Variants in ANO3 observed in about 807,000 individuals in gnomAD.
ANO3 encodes the protein anoctamin-3.
Under a neutral mutation model 144.8 loss-of-function variants are expected in ANO3, and 99 were observed. That is an observed-to-expected ratio of 0.68 (90% CI 0.58 to 0.81). ANO3 has a LOEUF of 0.81. Ranked by LOEUF, ANO3 falls within the 30% of genes least tolerant of loss-of-function variation. The pLI, the probability that ANO3 is intolerant of heterozygous loss-of-function variation, is 0.00. For synonymous variants in ANO3, 414 were observed against 392.6 expected, an observed-to-expected ratio of 1.05 and a Z score of -0.64; for missense variants, 905 against 1,202.2, an observed-to-expected ratio of 0.75 and a Z score of 3.66.
chr11:26,400,523 A>G (rs1224424278), intron 1 of ANO3, among the ~76,000 whole-genome samples: 1 of 152,022 alleles, frequency 6.6e-6, no homozygotes, highest in Non-Finnish European at 1.5e-5. Flanking sequence ...TGGTCCTTGA[A>G]CATAATTATA....
At chr11:26,638,102 C>G (rs1268874691) in intron 20 of ANO3, among the ~76,000 whole-genome samples, 1 of 152,144 alleles carries the variant, frequency 6.6e-6, no homozygotes, top group African/African-American at 2.4e-5. Flanking sequence ...GCATTTATCA[C>G]TTAAAAATGC....
At chr11:26,260,281 A>G (rs1424148936) in intron 1 of ANO3, among the ~76,000 whole-genome samples, 3 of 152,164 alleles carry the variant, frequency 2.0e-5, no homozygotes, top group Non-Finnish European at 4.4e-5. Flanking sequence ...CAGAATGATA[A>G]TATTTTTATA....
At chr11:26,431,528 T>C (rs888304242) in intron 1 of ANO3, among the ~76,000 whole-genome samples, 1 of 152,206 alleles carries the variant, frequency 6.6e-6, no homozygotes, top group African/African-American at 2.4e-5. Flanking sequence ...TAGTACCCAA[T>C]AGTTATTTTT....
intron 1 of ANO3, among the ~76,000 whole-genome samples, chr11:26,395,254 A>G (rs913769486): frequency 2.0e-5 from 3 of 151,688 alleles, no homozygotes; most frequent in African/African-American, 7.3e-5. Flanking sequence ...TCTTGGCTAT[A>G]TGGGTTCTTT....
chr11:26,303,280 A>G (rs1227422480), intron 1 of ANO3, among the ~76,000 whole-genome samples: 5 of 152,208 alleles, frequency 3.3e-5, no homozygotes, highest in African/African-American at 1.2e-4. Context: ...TGGAAATGAC[A>G]TGAGATCAAC....
chr11:26,307,695 G>A (rs1854413847), upstream of ANO3, among the ~76,000 whole-genome samples: 1 of 146,510 alleles, frequency 6.8e-6, no homozygotes, highest in Non-Finnish European at 1.5e-5. Flanking sequence ...CTGTAGCCTG[G>A]GCAACAAGAG....
intron 4 of ANO3, among the ~76,000 whole-genome samples, chr11:26,470,973 A>G (rs934259334): frequency 2.0e-5 from 3 of 151,914 alleles, no homozygotes; most frequent in African/African-American, 7.2e-5. Flanking sequence ...TTAGCCCAAT[A>G]ACCATGGTAA....
Position 26,656,221 on chromosome 11 carries a change from A to T in ANO3, c.2657+16A>T. The T allele has an allele frequency of 6.2e-7, 1 of 1,600,944 alleles. No individual in the cohort carries two copies. Among genetic ancestry groups the T allele is most frequent in the Non-Finnish European group, 8.6e-7 (1 of 1,168,498 alleles). ...GTTATTGCAGGTACTTATAATAGTT[A>T]TCTTTCCTGCTTGCTTTCACCATTC... On this transcript the variant is annotated intron_variant, in intron 25 of 26. Transcript: ENST00000256737.
chr11:26,505,309 T>C (rs1861381913), intron 4 of ANO3, among the ~76,000 whole-genome samples: 1 of 152,188 alleles, frequency 6.6e-6, no homozygotes, highest in Non-Finnish European at 1.5e-5. Context: ...AAGAAGGTTG[T>C]GGGAAGTACC....
At chr11:26,450,652 C>A (rs74352046) in intron 3 of ANO3, among the ~76,000 whole-genome samples, 2 of 152,096 alleles carry the variant, frequency 1.3e-5, no homozygotes, top group African/African-American at 2.4e-5. Context: ...CTGAGTTTTC[C>A]GATTTGAGAA....
intron 7 of ANO3, among the ~76,000 whole-genome samples, chr11:26,528,729 A>G (rs112936475): frequency 0.022 from 3,400 of 152,110 alleles, 52 homozygotes; most frequent in African/African-American, 0.042. Flanking sequence ...GCACTAGAAC[A>G]CTCATGTTCC....
intron 1 of ANO3, among the ~76,000 whole-genome samples, chr11:26,400,935 C>G (rs776588994): frequency 6.6e-6 from 1 of 151,156 alleles, no homozygotes; most frequent in Non-Finnish European, 1.5e-5. Flanking sequence ...AAGAAAATAC[C>G]AAGTTGCTTC....
chr11:26,482,202 G>T (rs1395138308), intron 4 of ANO3, among the ~76,000 whole-genome samples: 1 of 151,670 alleles, frequency 6.6e-6, no homozygotes, highest in African/African-American at 2.4e-5. Context: ...CCAGCTTTTA[G>T]TGTTTCTTTT....
chr11:26,539,987 T>C (rs949432413), intron 10 of ANO3, among the ~76,000 whole-genome samples: 2 of 152,136 alleles, frequency 1.3e-5, no homozygotes, highest in East Asian at 1.9e-4. Flanking sequence ...GTCTTGTATC[T>C]CACATTTTGG....
chr11:26,502,041 T>C (rs940737445), intron 4 of ANO3, among the ~76,000 whole-genome samples: 1 of 152,216 alleles, frequency 6.6e-6, no homozygotes, highest in African/African-American at 2.4e-5. Flanking sequence ...TTCAAAATTA[T>C]ACGTAAAGGA....
At position 26,634,247 on chromosome 11, in the gene ANO3, G is replaced by A; in HGVS notation, c.1917G>A (p.Leu639=). The change falls in exon 19 of 27, where the codon CTG becomes CTA. Residue 639 remains leucine (L), a synonymous_variant. Coordinates refer to ENST00000256737, the MANE Select transcript of ANO3 (RefSeq NM_031418.4). ...CAGAGTGGGAAAACAGCTTCGCCCT[G>A]AAGATGTTCCTCTTCCAGTTTGTCA... The part of the protein sequence containing the change: ...TESEWENSFA[L]KMFLFQFVNL... 6.2e-7 allele frequency: 1 copy of A among 1,613,988 alleles called. No individual in the cohort carries two copies. Among genetic ancestry groups the A allele is most frequent in the Non-Finnish European group, 8.5e-7 (1 of 1,179,954 alleles).
chr11:26,441,301 T>C (rs1396601829), intron 1 of ANO3, among the ~76,000 whole-genome samples: 2 of 151,142 alleles, frequency 1.3e-5, no homozygotes, highest in African/African-American at 4.9e-5. Context: ...GTATTTTTAG[T>C]AGAGACGGGG....
chr11:26,406,259 G>GTCATCCACCTTGAGCCCTT (rs1857274598), intron 1 of ANO3, among the ~76,000 whole-genome samples: 1 of 151,756 alleles, frequency 6.6e-6, no homozygotes, highest in Admixed American at 6.6e-5. Flanking sequence ...AGACAGTGCT[G>GTCATCCACCTTGAGCCCTT]TCATCCACCT....
Position 26,541,635 on chromosome 11 carries a change from G to A in ANO3, c.1033-312G>A, listed in dbSNP as rs543767075. On this transcript the variant is annotated intron_variant, in intron 10 of 26. Transcript: ENST00000256737. ...TATCACAATTTCTCTCAATGATGGT[G>A]AAGATATTGTGTTTATTAAAAGACC... is the stretch of plus-strand genomic sequence containing the variant. Among the ~76,000 whole-genome samples the A allele has an allele frequency of 0.052, 4,125 of 79,204 alleles. 95 individuals carry two copies. The highest frequency in any genetic ancestry group is 0.085 in the Non-Finnish European group (3,013 of 35,620). 52.0% of individuals were successfully genotyped at this position (79,204 alleles called of 152,430 possible).
Sources: allele counts gnomAD v4.1 joint callset (sites outside exome capture counted in the v4.1 genomes callset), GRCh38; gene constraint gnomAD v4.1.1; transcripts MANE v1.5; gene names NCBI Gene and HGNC (gene_info 2026-07-23, HGNC 2026-07-21).